CNIH3: variants seen among roughly 807,000 people sequenced by gnomAD.
CNIH3 encodes the protein cornichon family AMPA receptor auxiliary protein 3.
Under a neutral mutation model 24.1 loss-of-function variants are expected in CNIH3, and 14 were observed. That is an observed-to-expected ratio of 0.58 (90% CI 0.38 to 0.91). The LOEUF (loss-of-function observed/expected upper bound fraction) is 0.91, where lower values mean the gene tolerates loss of function less well. Ranked by LOEUF, CNIH3 falls within the 40% of genes least tolerant of loss-of-function variation. CNIH3 has a pLI of 0.00. For missense variants in CNIH3, 178 were observed against 196.8 expected (o/e 0.90, Z 0.57); for synonymous variants, 68 against 73.8 (o/e 0.92, Z 0.40).
At chr1:224,603,979 A>G (rs954169419) in intron 3 of CNIH3, among the ~76,000 whole-genome samples, 1 of 152,248 alleles carries the variant, frequency 6.6e-6, no homozygotes. Context: ...TGCCTTTGCA[A>G]CTTACACAAG....
At chr1:224,705,259 T>A (rs1687719056) in intron 3 of CNIH3, among the ~76,000 whole-genome samples, 1 of 152,200 alleles carries the variant, frequency 6.6e-6, no homozygotes, top group South Asian at 2.1e-4. Context: ...TTTTTAAAAG[T>A]TCCCCATGTA....
intron 1 of CNIH3, among the ~76,000 whole-genome samples, chr1:224,488,465 T>TGG (rs200373724): frequency 7.6e-4 from 17 of 22,338 alleles, no homozygotes; most frequent in African/African-American, 8.6e-4. Context: ...TAATTTTTTT[T>TGG]TGGGGGGTGG....
chr1:224,647,763 A>G (rs67817586), intron 1 of CNIH3, among the ~76,000 whole-genome samples: 79,631 of 151,956 alleles, frequency 0.52, 21,692 homozygotes, highest in East Asian at 0.74. Context: ...GGGCAGAGGG[A>G]AGGGAAGGAC....
chr1:224,636,952 C>CTT (rs202049764), intron 1 of CNIH3, among the ~76,000 whole-genome samples: 15 of 134,314 alleles, frequency 1.1e-4, no homozygotes, highest in East Asian at 4.3e-4. Flanking sequence ...GAGATGCATT[C>CTT]TTTTTTTTTT....
At chr1:224,442,894 A>AT (rs1243211861) in intron 1 of CNIH3, among the ~76,000 whole-genome samples, 1 of 152,150 alleles carries the variant, frequency 6.6e-6, no homozygotes, top group Non-Finnish European at 1.5e-5. Flanking sequence ...CTATACGTTC[A>AT]TTTTTGAACT....
intron 1 of CNIH3, among the ~76,000 whole-genome samples, chr1:224,505,359 A>G (rs1405723489): frequency 6.6e-6 from 1 of 151,834 alleles, no homozygotes. Flanking sequence ...GTATACACGT[A>G]GTGGGTACTC....
chr1:224,617,026 A>T lies in CNIH3; in HGVS notation c.-149A>T. Reference sequence around the variant, plus strand: ...TCCAGCGCTTATTCGCTGACCCTCGAGTCGCTTCGCTAGCTGTGCGCCCTC... The same window carrying T: ...TCCAGCGCTTATTCGCTGACCCTCGTGTCGCTTCGCTAGCTGTGCGCCCTC... On this transcript the variant is annotated 5_prime_UTR_variant, in exon 1 of 6. Transcript: ENST00000272133. 1 of 1,423,958 alleles carries T rather than the reference A, an allele frequency of 7.0e-7. No individual in the cohort carries two copies. The allele number at this position is 1,423,958 out of a possible 1,614,324, so 88.2% of individuals were successfully genotyped here. A position where few individuals can be genotyped will look rare whatever the true frequency, so the allele number is the denominator to read the frequency against.
In CNIH3 at chr1:224,475,085, C is replaced by A. The variant is rs564107226; in HGVS notation, n.203+40223C>A. Among the ~76,000 whole-genome samples, 4 of 144,496 alleles carry A rather than the reference C, an allele frequency of 2.8e-5. No homozygotes were observed. The East Asian group carries it at 6.3e-4, about 23-fold the overall frequency. The allele number at this position is 144,496 out of a possible 152,430, so 94.8% of individuals were successfully genotyped here. ...AAAAAAAAGAAAATCAGAGGCTGGG[C>A]GCGGTGGCTCAGCCTGTAATCCCAG... is the stretch of plus-strand genomic sequence containing the variant. On this transcript the variant is annotated intron_variant and non_coding_transcript_variant, in intron 1 of 5. Transcript: ENST00000471578.
At chr1:224,675,399 G>A (rs1180074823) in intron 1 of CNIH3, among the ~76,000 whole-genome samples, 1 of 152,170 alleles carries the variant, frequency 6.6e-6, no homozygotes, top group Non-Finnish European at 1.5e-5. Flanking sequence ...GATCTTAGAA[G>A]TTCTTAGATT....
chr1:224,735,536 G>A (rs1689551114), intron 5 of CNIH3, among the ~76,000 whole-genome samples: 1 of 152,222 alleles, frequency 6.6e-6, no homozygotes, highest in Non-Finnish European at 1.5e-5. Flanking sequence ...ATGGTTGACA[G>A]CAGCCAGGTG....
intron 1 of CNIH3, among the ~76,000 whole-genome samples, chr1:224,651,561 T>G (rs889905481): frequency 2.0e-5 from 3 of 152,256 alleles, no homozygotes; most frequent in African/African-American, 2.4e-5. Flanking sequence ...TCGTGTCATC[T>G]TACATAAACA....
intron 2 of CNIH3, among the ~76,000 whole-genome samples, chr1:224,534,322 G>A (rs1445740598): frequency 6.6e-6 from 1 of 152,236 alleles, no homozygotes; most frequent in Non-Finnish European, 1.5e-5. Flanking sequence ...AGACTACTGA[G>A]AGTCTGAAAT....
At chr1:224,715,634 C>T (rs551372032) in intron 3 of CNIH3, among the ~76,000 whole-genome samples, 10 of 152,332 alleles carry the variant, frequency 6.6e-5, no homozygotes, top group African/African-American at 2.4e-4. Context: ...CCTCAGGCTG[C>T]TTCCACTCGT....
chr1:224,517,772 C>T (rs143226219), intron 1 of CNIH3, among the ~76,000 whole-genome samples: 5 of 152,280 alleles, frequency 3.3e-5, no homozygotes, highest in Admixed American at 6.5e-5. Flanking sequence ...ATAACAGTCT[C>T]GATCCGGGTT....
At chr1:224,437,952 G>A (rs984320975) in intron 1 of CNIH3, among the ~76,000 whole-genome samples, 4 of 147,110 alleles carry the variant, frequency 2.7e-5, no homozygotes, top group African/African-American at 7.6e-5. Flanking sequence ...TCGCTCTGTC[G>A]CCCAGGCTGG....
upstream of CNIH3, chr1:224,515,595 C>A (rs1174933886): frequency 6.6e-6 from 1 of 152,202 alleles, no homozygotes; most frequent in African/African-American, 2.4e-5. Context: ...AGGTCTGCCT[C>A]TTTCTTGCTG....
At chr1:224,516,534 T>G (rs6695773) in intron 1 of CNIH3, among the ~76,000 whole-genome samples, 40,200 of 151,956 alleles carry the variant, frequency 0.26, 6,400 homozygotes, top group African/African-American at 0.45. Context: ...GAGATGAAAA[T>G]TTCCTAGATC....
intron 3 of CNIH3, among the ~76,000 whole-genome samples, chr1:224,557,979 T>G (rs937613568): frequency 1.3e-5 from 2 of 152,186 alleles, no homozygotes. Flanking sequence ...TTGTTCGTGG[T>G]CTCACCACTA....
intron 1 of CNIH3, among the ~76,000 whole-genome samples, chr1:224,492,166 A>G (rs1677258823): frequency 6.6e-6 from 1 of 152,154 alleles, no homozygotes. Flanking sequence ...TGTCTTCTCA[A>G]CTCCACATTC....
Sources: allele counts gnomAD v4.1 joint callset (sites outside exome capture counted in the v4.1 genomes callset), GRCh38; gene constraint gnomAD v4.1.1; transcripts MANE v1.5; gene names NCBI Gene and HGNC (gene_info 2026-07-23, HGNC 2026-07-21).